The following SLC39A14 variants were observed in gnomAD, a reference collection of about 807,000 sequenced individuals.
The protein encoded by SLC39A14 is metal cation symporter ZIP14.
In SLC39A14, 19 loss-of-function variants were observed where a neutral mutation model predicts 45.5. The ratio of observed to expected loss-of-function variants is 0.42; its 90% confidence interval spans 0.29 to 0.61. The LOEUF (loss-of-function observed/expected upper bound fraction) is 0.61. Ranked by LOEUF, SLC39A14 falls within the 20% of genes least tolerant of loss-of-function variation. The probability of loss-of-function intolerance (pLI) is 0.22; values close to 1 mark genes in which losing one functional copy is unlikely to be tolerated. For missense variants in SLC39A14, 447 were observed against 616.5 expected (o/e 0.73, Z 2.91); for synonymous variants, 264 against 251.3 (o/e 1.05, Z -0.48).
rs1834444819 is a variant in SLC39A14, at chr8:22,396,494, AG to A, written c.-15-8201del. Among the ~76,000 whole-genome samples the A allele has an allele frequency of 5.1e-4, 3 of 5,902 alleles. 1 individual carries two copies. The highest frequency in any genetic ancestry group is 2.1e-3 in the African/African-American group (2 of 962). The allele number at this position is 5,902 out of a possible 152,430, so 3.9% of individuals were successfully genotyped here. Reference sequence around the variant, plus strand: ...GAGAGAGAGAGAGAGAGAGAGAGAGAGAGAGAGGGAGAGAGAGAGAGAGAGA... The same window carrying A: ...GAGAGAGAGAGAGAGAGAGAGAGAGAAGAGAGGGAGAGAGAGAGAGAGAGA... On this transcript the variant is annotated intron_variant, in intron 1 of 8. Transcript: ENST00000381237.
At chr8:22,379,861 AGAGGTTGCAGT>A (rs1833406432) in intron 1 of SLC39A14, among the ~76,000 whole-genome samples, 1 of 148,410 alleles carries the variant, frequency 6.7e-6, no homozygotes, top group Non-Finnish European at 1.5e-5. Flanking sequence ...CCCGGGAGGC[AGAGGTTGCAGT>A]GAGCCAAGGT....
chr8:22,417,216 GTGAGGAAGGGGGTT>G (rs2132366712), intron 7 of SLC39A14, among the ~76,000 whole-genome samples: 1 of 152,344 alleles, frequency 6.6e-6, no homozygotes, highest in South Asian at 2.1e-4. Context: ...CATGGTAGTT[GTGAGGAAGGGGGTT>G]CCTTCTGTTT....
At chr8:22,430,367 C>T (rs997419647) in intron 8 of SLC39A14, among the ~76,000 whole-genome samples, 3 of 152,090 alleles carry the variant, frequency 2.0e-5, no homozygotes, top group African/African-American at 7.2e-5. Flanking sequence ...CGCCCTTAGA[C>T]CACAAGAGAG....
At chr8:22,380,674 G>T (rs1586648957) in intron 1 of SLC39A14, among the ~76,000 whole-genome samples, 1 of 147,630 alleles carries the variant, frequency 6.8e-6, no homozygotes, top group Non-Finnish European at 1.5e-5. Context: ...TTCCATTCCT[G>T]TTTTTTTTTT....
chr8:22,380,095 C>T (rs1442645654), intron 1 of SLC39A14, among the ~76,000 whole-genome samples: 2 of 151,960 alleles, frequency 1.3e-5, no homozygotes, highest in East Asian at 1.9e-4. Context: ...GGAGGAAGTG[C>T]GTAGGTTATA....
Position 22,421,886 on chromosome 8 carries a change from ATTACC to A in SLC39A14, c.*2192_*2196del. ...GTTTTCCCTTTTTGTGCACACCTAT[ATTACC>A]TTAAGAAATTTCCTTCCATAGACAG... On this transcript the variant is annotated 3_prime_UTR_variant, in exon 9 of 9. Coordinates refer to ENST00000381237, the MANE Select transcript of SLC39A14 (RefSeq NM_001128431.4). The A allele has an allele frequency of 1.0e-6, 1 of 985,394 alleles. No homozygotes were observed. The highest frequency in any genetic ancestry group is 1.2e-6 in the Non-Finnish European group (1 of 829,932). The allele number at this position is 985,394 out of a possible 1,614,324, so 61.0% of individuals were successfully genotyped here. A position where few individuals can be genotyped will look rare whatever the true frequency, so the allele number is the denominator to read the frequency against.
At chr8:22,392,516 C>T (rs1354777127) in intron 1 of SLC39A14, among the ~76,000 whole-genome samples, 5 of 152,170 alleles carry the variant, frequency 3.3e-5, no homozygotes, top group East Asian at 1.9e-4. Flanking sequence ...GTGAGTACCG[C>T]GTTTCCTAAG....
intron 3 of SLC39A14, 115 bp downstream of exon 3, chr8:22,408,611 A>G (rs1835371303): frequency 1.0e-6 from 1 of 1,000,860 alleles, no homozygotes; most frequent in Admixed American, 2.8e-5. Flanking sequence ...GATGACCAGG[A>G]TGAGGTTGTC....
chr8:22,421,085 C>G lies in SLC39A14; in HGVS notation c.*1387C>G, dbSNP rs971969438. ...ACTAGGTGAATTGATTTATTATTATCATATTGATAATGTGAGATTCTTTAG... is the reference window on the plus strand; with the variant it reads ...ACTAGGTGAATTGATTTATTATTATGATATTGATAATGTGAGATTCTTTAG... On this transcript the variant is annotated 3_prime_UTR_variant, in exon 9 of 9. Transcript: ENST00000381237. The G allele has an allele frequency of 1.0e-6, 1 of 985,786 alleles. No individual in the cohort carries two copies. Among genetic ancestry groups the G allele is most frequent in the African/African-American group, 1.7e-5 (1 of 57,326 alleles). The allele number at this position is 985,786 out of a possible 1,614,324, so 61.1% of individuals were successfully genotyped here.
chr8:22,432,312 G>A (rs577042127), intron 8 of SLC39A14, among the ~76,000 whole-genome samples: 11 of 152,196 alleles, frequency 7.2e-5, no homozygotes, highest in African/African-American at 2.6e-4. Flanking sequence ...CAGCTTGGGC[G>A]ACAGAGCAAG....
Position 22,422,399 on chromosome 8 carries a change from G to A in SLC39A14, c.*2701G>A. ...CTTAACCTTGGGTTTTAAAAAGAAG[G>A]CTTCTCTGTTTGGGTAGCGTAAGAG... On this transcript the variant is annotated 3_prime_UTR_variant, in exon 9 of 9. Transcript: ENST00000381237. 1.4e-5 allele frequency: 14 copies of A among 985,794 alleles called. No individual in the cohort carries two copies. In the South Asian group the frequency reaches 6.6e-4, roughly 46 times the overall value. The allele number at this position is 985,794 out of a possible 1,614,324, so 61.1% of individuals were successfully genotyped here. A position where few individuals can be genotyped will look rare whatever the true frequency, so the allele number is the denominator to read the frequency against.
intron 7 of SLC39A14, 141 bp from the exon 8 acceptor site, chr8:22,417,510 G>A (rs565403590): frequency 3.3e-5 from 23 of 696,708 alleles, no homozygotes; most frequent in Middle Eastern, 3.9e-4. Flanking sequence ...TCACTTTGTC[G>A]CCAGGCTGGA....
rs766251651 is a variant in SLC39A14, at chr8:22,404,878, C to T, written c.168C>T (p.Ser56=). 1.2e-6 allele frequency: 2 copies of T among 1,614,188 alleles called. No individual in the cohort carries two copies. Among genetic ancestry groups the T allele is most frequent in the South Asian group, 2.2e-5 (2 of 91,084 alleles). The change falls in exon 2 of 9, where the codon AGC becomes AGT. Residue 56 remains serine (S), a synonymous_variant. Transcript: ENST00000381237. ...TACATCGGTATGGCGAGGGTGACAG[C>T]CTCACTCTGCAGCAGCTGAAGGCCC... The part of the protein sequence containing the change: ...DLIHRYGEGD[S]LTLQQLKALL...
chr8:22,416,481 G>A (rs921373112), intron 7 of SLC39A14, among the ~76,000 whole-genome samples: 1 of 152,122 alleles, frequency 6.6e-6, no homozygotes, highest in African/African-American at 2.4e-5. Flanking sequence ...CCGGAGTGCA[G>A]TGATGTGATC....
At chr8:22,393,461 CTCTT>C (rs1317240570) in intron 1 of SLC39A14, among the ~76,000 whole-genome samples, 1 of 152,118 alleles carries the variant, frequency 6.6e-6, no homozygotes, top group Non-Finnish European at 1.5e-5. Flanking sequence ...TTTCTCAAAG[CTCTT>C]TCTACCCCCA....
chr8:22,379,708 A>G (rs1309514564), intron 1 of SLC39A14, among the ~76,000 whole-genome samples: 1 of 152,220 alleles, frequency 6.6e-6, no homozygotes, highest in Non-Finnish European at 1.5e-5. Context: ...AGGCGGGTGG[A>G]TCACGAGGTC....
chr8:22,386,165 G>A (rs986812241), intron 1 of SLC39A14, among the ~76,000 whole-genome samples: 3 of 151,742 alleles, frequency 2.0e-5, no homozygotes, highest in Non-Finnish European at 4.4e-5. Context: ...GGCTGGTCCC[G>A]AACTCCTGAC....
intron 1 of SLC39A14, among the ~76,000 whole-genome samples, chr8:22,385,141 G>T (rs978527510): frequency 2.6e-5 from 4 of 152,162 alleles, no homozygotes; most frequent in African/African-American, 9.7e-5. Flanking sequence ...CAGCTTCTCT[G>T]GCTCTCCAGG....
chr8:22,387,354 C>A (rs551191738), intron 1 of SLC39A14, among the ~76,000 whole-genome samples: 14 of 152,176 alleles, frequency 9.2e-5, no homozygotes, highest in Admixed American at 7.9e-4. Context: ...CAGAAAGGAG[C>A]CTGTCCGAGT....
Sources: allele counts gnomAD v4.1 joint callset (sites outside exome capture counted in the v4.1 genomes callset), GRCh38; gene constraint gnomAD v4.1.1; transcripts MANE v1.5; gene names NCBI Gene and HGNC (gene_info 2026-07-23, HGNC 2026-07-21).